Variants in TACC1 observed in about 807,000 individuals in gnomAD.
TACC1 encodes the protein transforming acidic coiled-coil-containing protein 1.
In TACC1, 48 loss-of-function variants were observed where a neutral mutation model predicts 84.4. That is an observed-to-expected ratio of 0.57 (90% CI 0.45 to 0.72). The LOEUF (loss-of-function observed/expected upper bound fraction) is 0.72, where lower values mean the gene tolerates loss of function less well. Ranked by LOEUF, TACC1 falls within the 30% of genes least tolerant of loss-of-function variation. The probability of loss-of-function intolerance (pLI) is 0.00; values close to 1 mark genes in which losing one functional copy is unlikely to be tolerated. For synonymous variants in TACC1, 372 were observed against 376.3 expected (o/e 0.99, Z 0.13); for missense variants, 920 against 973.0 (o/e 0.95, Z 0.72).
intron 3 of TACC1, among the ~76,000 whole-genome samples, chr8:38,777,255 CAAAA>C (rs767145067): frequency 3.4e-5 from 3 of 88,260 alleles, no homozygotes; most frequent in Admixed American, 1.2e-4. Flanking sequence ...GACTCCATCT[CAAAA>C]AAAAAAAAAA....
chr8:38,798,604 TGC>T (rs1158233077), intron 2 of TACC1, among the ~76,000 whole-genome samples: 1 of 120,366 alleles, frequency 8.3e-6, no homozygotes, highest in Non-Finnish European at 1.8e-5. Context: ...GTCTGGGTTC[TGC>T]GTGTGTGTGT....
At chr8:38,773,909 T>C (rs1324440114) in intron 3 of TACC1, among the ~76,000 whole-genome samples, 1 of 152,224 alleles carries the variant, frequency 6.6e-6, no homozygotes, top group Non-Finnish European at 1.5e-5. Context: ...GACAATACTA[T>C]GGGCAGGTTT....
intron 3 of TACC1, among the ~76,000 whole-genome samples, chr8:38,778,296 G>T (rs937870797): frequency 6.6e-6 from 1 of 151,764 alleles, no homozygotes; most frequent in Non-Finnish European, 1.5e-5. Context: ...GTGTGTGTGT[G>T]TATGTGTGTG....
At chr8:38,831,323 A>G (rs2152280406) in intron 6 of TACC1, 146 bp downstream of exon 6, 2 of 812,116 alleles carry the variant, frequency 2.5e-6, no homozygotes, top group South Asian at 3.2e-5. Context: ...TGAGGAACAC[A>G]TAGTCTCTGC....
intron 2 of TACC1, among the ~76,000 whole-genome samples, chr8:38,818,032 G>A (rs372984718): frequency 5.3e-5 from 8 of 150,468 alleles, no homozygotes; most frequent in African/African-American, 2.0e-4. Context: ...AGTGAGACCA[G>A]CCTGGGCAAC....
chr8:38,736,786 T>C (rs1412438138), intron 1 of TACC1, among the ~76,000 whole-genome samples: 2 of 152,166 alleles, frequency 1.3e-5, no homozygotes, highest in Non-Finnish European at 2.9e-5. Context: ...TTGACAAAAG[T>C]AGTGACCAGT....
At chr8:38,783,070 C>A (rs1481108131), upstream of TACC1, among the ~76,000 whole-genome samples, 3 of 68,924 alleles carry the variant, frequency 4.4e-5, no homozygotes, top group Non-Finnish European at 9.6e-5. Flanking sequence ...GTGTAAATAT[C>A]TATCTATCTA....
At chr8:38,827,588 T>C in intron 5 of TACC1, 4 of 588,246 alleles carry the variant, frequency 6.8e-6, no homozygotes, top group South Asian at 6.1e-5. Flanking sequence ...TGACAAGTTG[T>C]ATAGGAGATG....
chr8:38,802,841 A>G (rs1821720486), intron 2 of TACC1, among the ~76,000 whole-genome samples: 1 of 151,770 alleles, frequency 6.6e-6, no homozygotes, highest in Admixed American at 6.6e-5. Flanking sequence ...TAGAATGAGA[A>G]CTCACTCATT....
In TACC1 at chr8:38,834,240, G is replaced by A. The variant is rs571892235; in HGVS notation, c.1714-1922G>A. On this transcript the variant is annotated intron_variant, in intron 6 of 12. Transcript: ENST00000317827. ...ATCTGCTTCCAAGCTCACTCATGTG[G>A]TTGTTGGCAAGTCTCGGGTCCCCAC... Among the ~76,000 whole-genome samples the A allele has an allele frequency of 5.3e-5, 8 of 152,352 alleles. No homozygotes were observed. The South Asian group carries it at 1.7e-3, about 32-fold the overall frequency.
upstream of TACC1, chr8:38,786,033 A>G (rs1327618830): frequency 1.3e-5 from 2 of 152,104 alleles, no homozygotes; most frequent in Non-Finnish European, 2.9e-5. Context: ...ATACATGCCA[A>G]CTGCTTTCAG....
At chr8:38,835,110 C>T (rs957976288) in intron 6 of TACC1, among the ~76,000 whole-genome samples, 5 of 151,906 alleles carry the variant, frequency 3.3e-5, no homozygotes, top group African/African-American at 9.7e-5. Context: ...AAAAATTAGC[C>T]GGGCGTGGTG....
chr8:38,782,786 G>C (rs979959687), upstream of TACC1, among the ~76,000 whole-genome samples: 1 of 152,172 alleles, frequency 6.6e-6, no homozygotes, highest in African/African-American at 2.4e-5. Flanking sequence ...CTTTGTGTTT[G>C]TTTTTGGTTT....
intron 4 of TACC1, among the ~76,000 whole-genome samples, chr8:38,825,617 A>G (rs191725700): frequency 2.0e-5 from 3 of 151,920 alleles, no homozygotes; most frequent in African/African-American, 7.2e-5. Flanking sequence ...ATGCATCACC[A>G]CAGGGTGTGA....
chr8:38,796,056 A>G (rs1181987529), intron 2 of TACC1, among the ~76,000 whole-genome samples: 2 of 152,222 alleles, frequency 1.3e-5, no homozygotes, highest in South Asian at 2.1e-4. Context: ...TCCCATTACA[A>G]TATTCCCACC....
intron 5 of TACC1, chr8:38,827,875 A>C (rs1387542146): frequency 6.3e-6 from 1 of 158,402 alleles, no homozygotes; most frequent in African/African-American, 2.4e-5. Flanking sequence ...GGTGGGAGGA[A>C]GAGGGGGCGG....
At chr8:38,738,759 T>A (rs1051126097) in intron 1 of TACC1, among the ~76,000 whole-genome samples, 1 of 152,156 alleles carries the variant, frequency 6.6e-6, no homozygotes, top group Non-Finnish European at 1.5e-5. Flanking sequence ...TTTCTTCAAG[T>A]ATCCCTGGTT....
rs939505512 is a variant in TACC1, at chr8:38,851,382, C to T, written c.*3359C>T. On this transcript the variant is annotated 3_prime_UTR_variant, in exon 13 of 13. Coordinates refer to ENST00000317827, the MANE Select transcript of TACC1 (RefSeq NM_006283.3). ...TTATAAACAGGGAGTGTAAACTGCC[C>T]CCAGATGTTCCTGGGCTGGGTAAAA... 1 of 153,102 alleles carries T rather than the reference C, an allele frequency of 6.5e-6. No homozygotes were observed. The highest frequency in any genetic ancestry group is 6.5e-5 in the Admixed American group (1 of 15,432). 9.5% of individuals were successfully genotyped at this position (153,102 alleles called of 1,614,324 possible). A position where few individuals can be genotyped will look rare whatever the true frequency, so the allele number is the denominator to read the frequency against.
intron 2 of TACC1, among the ~76,000 whole-genome samples, chr8:38,801,041 G>GTA: frequency 6.6e-6 from 1 of 152,256 alleles, no homozygotes; most frequent in Middle Eastern, 3.4e-3. Context: ...TTGGGTATTT[G>GTA]TATATATTCT....
Sources: gnomAD v4.1 joint callset for allele counts (sites outside exome capture counted in the v4.1 genomes callset) on GRCh38, gnomAD v4.1.1 for gene constraint, MANE v1.5 for transcripts, NCBI Gene and HGNC (gene_info 2026-07-23, HGNC 2026-07-21) for gene names.